Variants in MARCHF10 observed in about 807,000 individuals in gnomAD.
MARCHF10 encodes membrane associated ring-CH-type finger 10.
In MARCHF10, 64 loss-of-function variants were observed where a neutral mutation model predicts 76.2. The observed-to-expected ratio is 0.84, with a 90% confidence interval of 0.69 to 1.03. MARCHF10 has a LOEUF of 1.03. MARCHF10 is among the 50% of genes least tolerant of loss of function. The probability of loss-of-function intolerance (pLI) is 0.00; values close to 1 mark genes in which losing one functional copy is unlikely to be tolerated. For missense variants in MARCHF10, 875 were observed against 958.0 expected (o/e 0.91, Z 1.14); for synonymous variants, 340 against 357.5 (o/e 0.95, Z 0.55).
At chr17:62,752,515 C>T (rs1328011858) in intron 4 of MARCHF10, among the ~76,000 whole-genome samples, 1 of 152,174 alleles carries the variant, frequency 6.6e-6, no homozygotes, top group Admixed American at 6.5e-5. Context: ...TTTCCTGGGC[C>T]AGATTCCTGA....
intron 2 of MARCHF10, among the ~76,000 whole-genome samples, chr17:62,799,643 C>T (rs1326889104): frequency 2.6e-5 from 4 of 151,688 alleles, no homozygotes; most frequent in African/African-American, 7.3e-5. Context: ...CTACTTGGGA[C>T]GCGGAGGCAG....
At chr17:62,708,295 G>C in intron 9 of MARCHF10, among the ~76,000 whole-genome samples, 1 of 151,250 alleles carries the variant, frequency 6.6e-6, no homozygotes, top group Admixed American at 6.6e-5. Context: ...GCCCAGGCTG[G>C]AGCGCAGTGG....
rs757443438 is a variant in MARCHF10 at position 62,746,993 on chromosome 17, C to T, written c.383-2465G>A. The T allele has an allele frequency of 2.4e-5, 37 of 1,527,338 alleles. No individual in the cohort carries two copies. The South Asian group carries it at 4.3e-4, about 18-fold the overall frequency. 94.6% of individuals were successfully genotyped at this position (1,527,338 alleles called of 1,614,324 possible). A position where few individuals can be genotyped will look rare whatever the true frequency, so the allele number is the denominator to read the frequency against. ...CTCTGACTCTGCTTTGGAAAAAACC[C>T]TTACTTTCAGCGTTTTTAAAAAATG... On this transcript the variant is annotated intron_variant, in intron 4 of 10. Transcript: ENST00000311269.
At chr17:62,756,178 G>T (rs184283460) in intron 4 of MARCHF10, among the ~76,000 whole-genome samples, 3 of 152,264 alleles carry the variant, frequency 2.0e-5, no homozygotes, top group African/African-American at 7.2e-5. Flanking sequence ...AGTCCGGGAG[G>T]CGGAGGTTGC....
intron 10 of MARCHF10, among the ~76,000 whole-genome samples, 176 bp from the exon 11 acceptor site, chr17:62,701,934 G>A (rs886683532): frequency 1.3e-5 from 2 of 152,160 alleles, no homozygotes; most frequent in African/African-American, 2.4e-5. Context: ...TGGGGCCGGG[G>A]AATCCACAGA....
In MARCHF10 at chr17:62,703,125, C is replaced by T. The variant is rs145728281; in HGVS notation, c.2372-1367G>A. 9.2e-3 allele frequency among the ~76,000 whole-genome samples: 1,394 copies of T among 152,342 alleles called. 9 individuals are homozygous for T. Among genetic ancestry groups the T allele is most frequent in the Non-Finnish European group, 0.012 (842 of 68,036 alleles). ...GCCCTAACCTCGGTTTCACTTGTGGCATTTGTGTGAGGCTTTGGTTCTCAC... is the reference window on the plus strand; with the variant it reads ...GCCCTAACCTCGGTTTCACTTGTGGTATTTGTGTGAGGCTTTGGTTCTCAC... On this transcript the variant is annotated intron_variant, in intron 10 of 10. Coordinates refer to ENST00000311269, the MANE Select transcript of MARCHF10 (RefSeq NM_152598.4).
intron 1 of MARCHF10, 110 bp from the exon 2 acceptor site, chr17:62,801,862 CT>C: frequency 1.2e-6 from 1 of 841,940 alleles, no homozygotes; most frequent in Non-Finnish European, 2.0e-6. Flanking sequence ...TCTAATTTCC[CT>C]TGTTTGAAAG....
At chr17:62,743,695 A>T (rs1429732608) in intron 5 of MARCHF10, among the ~76,000 whole-genome samples, 7 of 152,166 alleles carry the variant, frequency 4.6e-5, no homozygotes, top group Admixed American at 2.0e-4. Flanking sequence ...ATTGGTCATG[A>T]CATAATGGGA....
intron 4 of MARCHF10, among the ~76,000 whole-genome samples, chr17:62,754,479 T>C (rs1392379899): frequency 6.6e-6 from 1 of 152,118 alleles, no homozygotes; most frequent in Non-Finnish European, 1.5e-5. Flanking sequence ...GGAGGGTTCA[T>C]AAGCAGCGGA....
At chr17:62,788,152 C>T (rs1037334290) in intron 3 of MARCHF10, among the ~76,000 whole-genome samples, 1 of 152,164 alleles carries the variant, frequency 6.6e-6, no homozygotes, top group African/African-American at 2.4e-5. Flanking sequence ...CCAGTGCCTC[C>T]AACTCTTATA....
chr17:62,799,973 T>C (rs2093045765), intron 2 of MARCHF10, among the ~76,000 whole-genome samples: 1 of 152,134 alleles, frequency 6.6e-6, no homozygotes, highest in Non-Finnish European at 1.5e-5. Flanking sequence ...CAAGTGTCAC[T>C]TCCTCAAAGA....
chr17:62,788,636 C>T, intron 2 of MARCHF10, 37 bp from the exon 3 acceptor site: 1 of 1,611,836 alleles, frequency 6.2e-7, no homozygotes, highest in Non-Finnish European at 8.5e-7. Flanking sequence ...TGTCTTAGGA[C>T]CATGGCAAGC....
intron 2 of MARCHF10, chr17:62,795,027 G>A (rs868598508): frequency 1.6e-5 from 16 of 985,050 alleles, no homozygotes; most frequent in Middle Eastern, 5.2e-4. Context: ...TACCTCAAAG[G>A]TGAGCCAGGA....
intron 3 of MARCHF10, among the ~76,000 whole-genome samples, chr17:62,778,279 G>A (rs2092590547): frequency 6.6e-6 from 1 of 152,120 alleles, no homozygotes; most frequent in Admixed American, 6.5e-5. Flanking sequence ...GGCACACAAG[G>A]GCCTTGGGTA....
At chr17:62,791,690 A>AG (rs566479134) in intron 2 of MARCHF10, among the ~76,000 whole-genome samples, 2 of 152,256 alleles carry the variant, frequency 1.3e-5, no homozygotes, top group South Asian at 4.1e-4. Context: ...TTTGCTGAGA[A>AG]GGAACACAGG....
rs957218819 is a variant in MARCHF10, at chr17:62,720,861, T to C, written c.2214+1627A>G. On this transcript the variant is annotated intron_variant, in intron 8 of 10. Coordinates refer to ENST00000311269, the MANE Select transcript of MARCHF10 (RefSeq NM_152598.4). ...GAGTCTCTGCTCCGGTAAGTTGTGA[T>C]TTTTTTTTTTTTTTTTTTTTTTTTG... is the stretch of plus-strand genomic sequence containing the variant. Among the ~76,000 whole-genome samples the C allele has an allele frequency of 3.3e-4, 16 of 48,280 alleles. No homozygotes were observed. The East Asian group carries it at 5.0e-3, about 15-fold the overall frequency. The allele number at this position is 48,280 out of a possible 152,430, so 31.7% of individuals were successfully genotyped here.
At chr17:62,770,574 C>A (rs1207942990) in intron 3 of MARCHF10, among the ~76,000 whole-genome samples, 1 of 136,092 alleles carries the variant, frequency 7.3e-6, no homozygotes, top group Admixed American at 8.3e-5. Flanking sequence ...CAGAGTCTTG[C>A]TCTGTCTCTC....
intron 3 of MARCHF10, among the ~76,000 whole-genome samples, chr17:62,784,552 G>T (rs1389672679): frequency 1.3e-5 from 2 of 152,050 alleles, no homozygotes; most frequent in Non-Finnish European, 2.9e-5. Context: ...AGAAATAAAG[G>T]GTATTCAATT....
intron 2 of MARCHF10, among the ~76,000 whole-genome samples, 181 bp downstream of exon 2, chr17:62,801,465 T>G (rs2093071551): frequency 1.3e-5 from 2 of 151,998 alleles, no homozygotes; most frequent in South Asian, 2.1e-4. Context: ...CCCCGTTTTT[T>G]TTTTTTTTTT....
Sources: gnomAD v4.1 joint callset for allele counts (sites outside exome capture counted in the v4.1 genomes callset) on GRCh38, gnomAD v4.1.1 for gene constraint, MANE v1.5 for transcripts, NCBI Gene and HGNC (gene_info 2026-07-23, HGNC 2026-07-21) for gene names.